ALPL: variants seen among roughly 807,000 people sequenced by gnomAD.
ALPL encodes alkaline phosphatase, tissue-nonspecific isozyme.
Under a neutral mutation model 51.3 loss-of-function variants are expected in ALPL, and 42 were observed. That is an observed-to-expected ratio of 0.82 (90% CI 0.64 to 1.06). The LOEUF is 1.06. Among genes scored for constraint, ALPL ranks in the 50% least tolerant of loss-of-function variants. ALPL has a pLI of 0.00. For missense variants in ALPL, 589 were observed against 709.4 expected (o/e 0.83, Z 1.93); for synonymous variants, 279 against 296.4 (o/e 0.94, Z 0.60).
intron 8 of ALPL, 91 bp downstream of exon 8, chr1:21,570,465 C>G: frequency 1.5e-6 from 2 of 1,341,520 alleles, no homozygotes; most frequent in Non-Finnish European, 2.1e-6. Flanking sequence ...AGGCCCTAGC[C>G]TGACGCCCAC....
At chr1:21,570,128 A>G (rs933627462) in intron 7 of ALPL, among the ~76,000 whole-genome samples, 177 bp from the exon 8 acceptor site, 1 of 152,180 alleles carries the variant, frequency 6.6e-6, no homozygotes, top group South Asian at 2.1e-4. Context: ...TGCATTATAC[A>G]TTATAATGGG....
In ALPL at chr1:21,578,338, T is replaced by C. The variant is rs893251378; in HGVS notation, c.*690T>C. 2 of 152,606 alleles carry C rather than the reference T, an allele frequency of 1.3e-5. No homozygotes were observed. Among genetic ancestry groups the C allele is most frequent in the Non-Finnish European group, 2.9e-5 (2 of 68,052 alleles). The allele number at this position is 152,606 out of a possible 1,614,324, so 9.5% of individuals were successfully genotyped here. A position where few individuals can be genotyped will look rare whatever the true frequency, so the allele number is the denominator to read the frequency against. On this transcript the variant is annotated 3_prime_UTR_variant, in exon 12 of 12. Coordinates refer to ENST00000374840, the MANE Select transcript of ALPL (RefSeq NM_000478.6). This position sits in a 1 kb window ranked among gnomAD's most constrained non-coding sequence, Gnocchi z 4.2. ...GTTTGGAACGGCAAAAAAAAATTTTTTTTTCTCTTTTTGGTGGTGGTTAAA... is the reference window on the plus strand; with the variant it reads ...GTTTGGAACGGCAAAAAAAAATTTTCTTTTCTCTTTTTGGTGGTGGTTAAA...
intron 7 of ALPL, 28 bp from the exon 8 acceptor site, chr1:21,570,277 C>T: frequency 6.2e-7 from 1 of 1,611,862 alleles, no homozygotes; most frequent in Non-Finnish European, 8.5e-7. Flanking sequence ...TAGCCCCCGG[C>T]ATGTGCTGAC....
chr1:21,561,776 T>C (rs558232405), intron 4 of ALPL, among the ~76,000 whole-genome samples: 3 of 148,810 alleles, frequency 2.0e-5, no homozygotes, highest in African/African-American at 7.8e-5. Flanking sequence ...AAGTGATTCT[T>C]CTGCCTCAGC....
chr1:21,542,078 C>G (rs577072337), intron 1 of ALPL, among the ~76,000 whole-genome samples: 1 of 152,240 alleles, frequency 6.6e-6, no homozygotes, highest in Non-Finnish European at 1.5e-5. Context: ...TAACTTCCTC[C>G]AGTAATGAAT....
At chr1:21,535,787 C>T (rs1644098211) in intron 1 of ALPL, among the ~76,000 whole-genome samples, 1 of 152,162 alleles carries the variant, frequency 6.6e-6, no homozygotes, top group African/African-American at 2.4e-5. Context: ...GAAATGATAG[C>T]CTCAGCCCAC....
chr1:21,552,882 G>A (rs1207725219), intron 1 of ALPL, among the ~76,000 whole-genome samples: 10 of 152,156 alleles, frequency 6.6e-5, no homozygotes, highest in Non-Finnish European at 7.3e-5. Context: ...TTTGGCTGAA[G>A]CAATAACATT....
intron 9 of ALPL, among the ~76,000 whole-genome samples, chr1:21,575,006 G>A (rs1345353464): frequency 2.0e-5 from 3 of 152,244 alleles, no homozygotes; most frequent in Admixed American, 6.5e-5. Context: ...GCTGGGCCAA[G>A]CCTCCAGCCA....
chr1:21,525,848 C>T (rs1188184471), intron 1 of ALPL, among the ~76,000 whole-genome samples: 1 of 152,148 alleles, frequency 6.6e-6, no homozygotes, highest in East Asian at 2.0e-4. Context: ...ATTAGCCGGG[C>T]ATGGTGGCGC....
chr1:21,554,750 A>G (rs996776387), intron 2 of ALPL, among the ~76,000 whole-genome samples: 35 of 151,264 alleles, frequency 2.3e-4, no homozygotes, highest in African/African-American at 8.2e-4. Flanking sequence ...TCGGCCTCCC[A>G]AAGTGCTGGG....
intron 10 of ALPL, among the ~76,000 whole-genome samples, 167 bp from the exon 11 acceptor site, chr1:21,576,355 G>A (rs1644737169): frequency 6.6e-6 from 1 of 151,912 alleles, no homozygotes; most frequent in Non-Finnish European, 1.5e-5. Context: ...ACTGGGGAAT[G>A]GTTAGTTGGA....
rs1182413170 is a variant in ALPL, at chr1:21,509,452, CG to C, written c.-169del. 1 of 152,002 alleles carries C rather than the reference CG, an allele frequency of 6.6e-6. No individual in the cohort carries two copies. Among genetic ancestry groups the C allele is most frequent in the Admixed American group, 6.5e-5 (1 of 15,286 alleles). 9.4% of individuals were successfully genotyped at this position (152,002 alleles called of 1,614,324 possible). A position where few individuals can be genotyped will look rare whatever the true frequency, so the allele number is the denominator to read the frequency against. On this transcript the variant is annotated 5_prime_UTR_variant, in exon 1 of 12. Coordinates refer to ENST00000374840, the MANE Select transcript of ALPL (RefSeq NM_000478.6). The surrounding 1 kb of genome is among the most constrained non-coding windows in gnomAD (Gnocchi z 6.0). Reference sequence around the variant, plus strand: ...CGTTGCGCTCCCGCCACTCCGCGCCCGCTATCCTGGCTCCGTGCTCCCACGC... The same window carrying C: ...CGTTGCGCTCCCGCCACTCCGCGCCCCTATCCTGGCTCCGTGCTCCCACGC...
chr1:21,547,343 TAGTGTGACCG>T (rs1292140386), intron 1 of ALPL, among the ~76,000 whole-genome samples: 1 of 152,050 alleles, frequency 6.6e-6, no homozygotes, highest in Non-Finnish European at 1.5e-5. Context: ...GCTTTGGAGC[TAGTGTGACCG>T]AGTGTGTGCA....
chr1:21,561,034 C>G, intron 3 of ALPL, 63 bp from the exon 4 acceptor site: 1 of 1,440,748 alleles, frequency 6.9e-7, no homozygotes, highest in Non-Finnish European at 9.6e-7. Context: ...CTTCTGGGTA[C>G]CCAAGCAGGC....
intron 1 of ALPL, among the ~76,000 whole-genome samples, chr1:21,539,656 CTTTT>C (rs71016920): frequency 1.5e-5 from 2 of 133,658 alleles, no homozygotes; most frequent in Non-Finnish European, 3.2e-5. Context: ...TTTCTTTTTC[CTTTT>C]TTTTTTTTTT....
At chr1:21,576,017 C>A in intron 10 of ALPL, 93 bp downstream of exon 10, 3 of 1,451,974 alleles carry the variant, frequency 2.1e-6, no homozygotes, top group South Asian at 1.1e-5. Context: ...AAGCCCAGAG[C>A]ATGGTGGGGA....
intron 2 of ALPL, 139 bp from the exon 3 acceptor site, chr1:21,560,487 T>C: frequency 9.0e-7 from 1 of 1,113,856 alleles, no homozygotes; most frequent in Non-Finnish European, 1.3e-6. Flanking sequence ...CACAGATGTG[T>C]TGTCTGGGTG....
chr1:21,563,820 C>T (rs555923601), intron 5 of ALPL, among the ~76,000 whole-genome samples: 5 of 152,264 alleles, frequency 3.3e-5, no homozygotes, highest in African/African-American at 9.6e-5. Context: ...CAAGGGCCTT[C>T]GGGGTGAGGG....
Position 21,528,470 on chromosome 1 carries a change from C to T in ALPL, c.-105+18953C>T, listed in dbSNP as rs541717786. On this transcript the variant is annotated intron_variant, in intron 1 of 11. Transcript: ENST00000374840. ...TCAAGCAATTCTCCTGCCTCAGCCT[C>T]CCAAGTAGCTGGGATTACGGGCATG... Among the ~76,000 whole-genome samples the T allele has an allele frequency of 1.0e-3, 152 of 151,670 alleles. 1 individual carries two copies. Among genetic ancestry groups the T allele is most frequent in the African/African-American group, 3.3e-3 (137 of 41,334 alleles).
Sources: allele counts gnomAD v4.1 joint callset (sites outside exome capture counted in the v4.1 genomes callset), GRCh38; gene constraint gnomAD v4.1.1; non-coding constraint Gnocchi (gnomAD v3.1); transcripts MANE v1.5; gene names NCBI Gene and HGNC (gene_info 2026-07-23, HGNC 2026-07-21).